PCDH15: variants seen among roughly 807,000 people sequenced by gnomAD.
PCDH15 encodes the protein protocadherin-15.
A neutral mutation model predicts 178.5 loss-of-function variants in PCDH15; 129 were observed. That is an observed-to-expected ratio of 0.72 (90% CI 0.63 to 0.84). The LOEUF is 0.84. Among genes scored for constraint, PCDH15 ranks in the 40% least tolerant of loss-of-function variants. PCDH15 has a pLI of 0.00. For synonymous variants in PCDH15, 800 were observed against 732.0 expected (o/e 1.09, Z -1.50); for missense variants, 2,230 against 2,099.9 (o/e 1.06, Z -1.21).
intron 26 of PCDH15, among the ~76,000 whole-genome samples, chr10:53,869,059 T>C: frequency 6.6e-6 from 1 of 152,144 alleles, no homozygotes; most frequent in East Asian, 1.9e-4. Context: ...CCTCCCATCT[T>C]GGCCTACCAA....
intron 2 of PCDH15, among the ~76,000 whole-genome samples, chr10:54,995,391 C>CAAAAAAAAAAA (rs10631856): frequency 3.2e-5 from 4 of 125,764 alleles, no homozygotes; most frequent in African/African-American, 1.2e-4. Flanking sequence ...GACTCCGTCT[C>CAAAAAAAAAAA]AAAAAAAAAA....
chr10:53,835,738 G>C (rs2077268481), intron 29 of PCDH15, among the ~76,000 whole-genome samples: 1 of 152,118 alleles, frequency 6.6e-6, no homozygotes, highest in Non-Finnish European at 1.5e-5. Context: ...GCAATAAAGT[G>C]AGACCATGTC....
chr10:54,395,582 T>A (rs1951103956), intron 3 of PCDH15, among the ~76,000 whole-genome samples: 1 of 151,988 alleles, frequency 6.6e-6, no homozygotes. Context: ...GATTTTGTTA[T>A]GCATCGTTTT....
At chr10:55,548,210 GCACACACACACA>G (rs200097115) in intron 2 of PCDH15, among the ~76,000 whole-genome samples, 157 of 121,284 alleles carry the variant, frequency 1.3e-3, no homozygotes, top group South Asian at 3.2e-3. Flanking sequence ...AATGCCTAAT[GCACACACACACA>G]CACACACACA....
intron 32 of PCDH15, chr10:53,825,048 C>T (rs547467632): frequency 7.3e-7 from 1 of 1,374,904 alleles, no homozygotes; most frequent in Non-Finnish European, 9.5e-7. Context: ...ATGAAGATCA[C>T]TGTATTTACA....
At chr10:55,587,968 T>C (rs1842760306) in intron 2 of PCDH15, among the ~76,000 whole-genome samples, 1 of 152,200 alleles carries the variant, frequency 6.6e-6, no homozygotes, top group Non-Finnish European at 1.5e-5. Context: ...GCTTTGGTTT[T>C]GACACTTGTA....
intron 2 of PCDH15, chr10:54,655,465 GTGTGTGTT>G (rs1565867770): frequency 6.9e-6 from 1 of 144,542 alleles, no homozygotes; most frequent in Non-Finnish European, 1.5e-5. Context: ...GTGTGTGTGT[GTGTGTGTT>G]TTAGCAGAAA....
At chr10:55,055,315 T>C (rs1049547148) in intron 2 of PCDH15, among the ~76,000 whole-genome samples, 2 of 152,116 alleles carry the variant, frequency 1.3e-5, no homozygotes, top group African/African-American at 4.8e-5. Context: ...ATGTAAGAAG[T>C]AGTAACTCAG....
At chr10:54,121,762 G>T (rs929026357) in intron 15 of PCDH15, among the ~76,000 whole-genome samples, 1 of 152,024 alleles carries the variant, frequency 6.6e-6, no homozygotes, top group African/African-American at 2.4e-5. Context: ...GGAAGAAATT[G>T]AAACACTGAT....
chr10:54,454,953 G>A (rs530343599), intron 3 of PCDH15, among the ~76,000 whole-genome samples: 2 of 152,244 alleles, frequency 1.3e-5, no homozygotes, highest in Admixed American at 6.5e-5. Context: ...GATCCAGTGC[G>A]AGGTAATTTA....
intron 2 of PCDH15, among the ~76,000 whole-genome samples, chr10:55,549,085 T>C (rs551545042): frequency 1.5e-4 from 23 of 152,208 alleles, no homozygotes; most frequent in African/African-American, 5.5e-4. Context: ...CATTTTAAAA[T>C]ATAACCAAAC....
intron 1 of PCDH15, among the ~76,000 whole-genome samples, chr10:54,725,565 T>TATATATGTATAA (rs71014409): frequency 9.6e-5 from 13 of 135,912 alleles, no homozygotes; most frequent in African/African-American, 3.4e-4. Flanking sequence ...TATATATATA[T>TATATATGTATAA]AATTGGAAAC....
intron 2 of PCDH15, among the ~76,000 whole-genome samples, chr10:55,059,328 C>T (rs1271050120): frequency 6.6e-6 from 1 of 152,172 alleles, no homozygotes. Context: ...CGTCCACTGT[C>T]TATGTTGCTC....
intron 1 of PCDH15, among the ~76,000 whole-genome samples, chr10:54,779,612 A>G (rs1260213644): frequency 6.7e-6 from 1 of 149,676 alleles, no homozygotes; most frequent in Non-Finnish European, 1.5e-5. Context: ...CCGGGCTGGT[A>G]TGTAAATCAA....
intron 15 of PCDH15, among the ~76,000 whole-genome samples, chr10:54,122,703 C>G (rs1279299738): frequency 6.6e-6 from 1 of 151,888 alleles, no homozygotes; most frequent in Non-Finnish European, 1.5e-5. Flanking sequence ...TAGCAAGGTA[C>G]TAGGATACAA....
intron 26 of PCDH15, among the ~76,000 whole-genome samples, chr10:53,888,409 A>T (rs1384286780): frequency 1.4e-5 from 2 of 140,678 alleles, no homozygotes; most frequent in African/African-American, 5.3e-5. Context: ...TAATATTACA[A>T]ATTTGTCTTA....
chr10:53,893,466 A>T (rs1320462966), intron 26 of PCDH15, among the ~76,000 whole-genome samples: 1 of 152,252 alleles, frequency 6.6e-6, no homozygotes, highest in East Asian at 1.9e-4. Context: ...AAATTTTAAG[A>T]AGTCATTATA....
intron 1 of PCDH15, among the ~76,000 whole-genome samples, chr10:55,259,382 G>A (rs891653197): frequency 6.6e-6 from 1 of 152,184 alleles, no homozygotes; most frequent in Non-Finnish European, 1.5e-5. Flanking sequence ...ATGCAAAAGT[G>A]TATCAGAATC....
chr10:54,785,666 T>C (rs182418927), intron 1 of PCDH15, among the ~76,000 whole-genome samples: 4 of 152,142 alleles, frequency 2.6e-5, no homozygotes, highest in African/African-American at 7.2e-5. Flanking sequence ...CAAGACCTTC[T>C]ATACTAATTC....
Sources: gnomAD v4.1 joint callset for allele counts (sites outside exome capture counted in the v4.1 genomes callset) on GRCh38, gnomAD v4.1.1 for gene constraint, MANE v1.5 for transcripts, NCBI Gene and HGNC (gene_info 2026-07-23, HGNC 2026-07-21) for gene names.